Variants in RIMBP2 observed in about 807,000 individuals in gnomAD.
RIMBP2 encodes RIMS binding protein 2, also known as RIMS-binding protein 2.
A neutral mutation model predicts 118.6 loss-of-function variants in RIMBP2; 48 were observed. That is an observed-to-expected ratio of 0.40 (90% CI 0.32 to 0.51). RIMBP2 has a LOEUF of 0.51. Ranked by LOEUF, RIMBP2 falls within the 20% of genes least tolerant of loss-of-function variation. The pLI is 0.41. For missense variants in RIMBP2, 1,551 were observed against 1,768.3 expected, an observed-to-expected ratio of 0.88 and a Z score of 2.20; for synonymous variants, 762 against 742.9, an observed-to-expected ratio of 1.03 and a Z score of -0.42.
intron 17 of RIMBP2, among the ~76,000 whole-genome samples, chr12:130,421,394 A>C (rs1455838805): frequency 6.6e-6 from 1 of 152,218 alleles, no homozygotes. Flanking sequence ...ACATAAACAC[A>C]ATCTAAAAGC....
chr12:130,664,841 A>G (rs1428926641), intron 1 of RIMBP2, among the ~76,000 whole-genome samples: 1 of 151,860 alleles, frequency 6.6e-6, no homozygotes, highest in Non-Finnish European at 1.5e-5. Flanking sequence ...GTCCATACTG[A>G]TATAAATGAA....
Position 130,578,303 on chromosome 12 carries a change from C to T in RIMBP2, c.-217+50019G>A, listed in dbSNP as rs568934041. On this transcript the variant is annotated intron_variant, in intron 2 of 22. Coordinates refer to ENST00000690449, the MANE Select transcript of RIMBP2 (RefSeq NM_001393629.1). The surrounding 1 kb of genome is among the most constrained non-coding windows in gnomAD (Gnocchi z 4.1). ...CTGGTCTACCCAATGCCTTCTGCCC[C>T]GTTTCCAGAATCATCTTTCTCAAGC... is the stretch of plus-strand genomic sequence containing the variant. Among the ~76,000 whole-genome samples the T allele has an allele frequency of 4.6e-5, 7 of 152,340 alleles. No homozygotes were observed. Among genetic ancestry groups the T allele is most frequent in the East Asian group, 3.9e-4 (2 of 5,182 alleles).
intron 1 of RIMBP2, among the ~76,000 whole-genome samples, chr12:130,632,539 G>C (rs1167530548): frequency 6.6e-6 from 1 of 152,078 alleles, no homozygotes; most frequent in Admixed American, 6.5e-5. Context: ...TGGGCTGCCG[G>C]GATGTGCTTT....
chr12:130,528,443 C>A (rs2053038281), intron 2 of RIMBP2, among the ~76,000 whole-genome samples: 1 of 151,936 alleles, frequency 6.6e-6, no homozygotes, highest in South Asian at 2.1e-4. Context: ...CACACTGGGG[C>A]CTGTTGGAGG....
rs976770637 is a variant in RIMBP2, at chr12:130,424,157, G to A, written c.3114C>T (p.Val1038=). ...AAPHAKPPPR[V]AQGPLILGNP... is the part of the protein sequence containing the mutation. ...GGTCACACACCAGGGGGCCTTGTGCGACTCTGGGAGGTGGCTTTGCGTGGG... is the reference window on the plus strand; with the variant it reads ...GGTCACACACCAGGGGGCCTTGTGCAACTCTGGGAGGTGGCTTTGCGTGGG... Residue 1038 remains valine (V), a synonymous_variant, in exon 16 of 23, where the codon GTC becomes GTT. Coordinates refer to ENST00000690449, the MANE Select transcript of RIMBP2 (RefSeq NM_001393629.1). The surrounding 1 kb of genome is among the most constrained non-coding windows in gnomAD (Gnocchi z 9.8). The A allele has an allele frequency of 5.0e-5, 61 of 1,231,930 alleles. No homozygotes were observed. In the South Asian group the frequency reaches 8.2e-4, roughly 17 times the overall value. 76.3% of individuals were successfully genotyped at this position (1,231,930 alleles called of 1,614,324 possible).
chr12:130,413,226 A>G (rs66469669), intron 18 of RIMBP2, among the ~76,000 whole-genome samples: 10,061 of 152,238 alleles, frequency 0.066, 944 homozygotes, highest in African/African-American at 0.21. Flanking sequence ...TCAAATGCCA[A>G]CTGTCAGGAC....
At position 130,710,787 on chromosome 12, in the gene RIMBP2, C is replaced by T. The variant is rs1349546024; in HGVS notation, c.-352+5435G>A. On this transcript the variant is annotated intron_variant, in intron 1 of 22. Transcript: ENST00000690449. The surrounding 1 kb of genome is among the most constrained non-coding windows in gnomAD (Gnocchi z 4.3). Reference sequence around the variant, plus strand: ...CTAATGACAGACCACAAAACACCAACAAATGAGAATATCCCAAATGGACGT... The same window carrying T: ...CTAATGACAGACCACAAAACACCAATAAATGAGAATATCCCAAATGGACGT... Among the ~76,000 whole-genome samples the T allele has an allele frequency of 6.6e-6, 1 of 152,196 alleles. No homozygotes were observed. The highest frequency in any genetic ancestry group is 1.5e-5 in the Non-Finnish European group (1 of 68,042).
In RIMBP2 at chr12:130,447,169, C is replaced by T. The variant is rs1479164436; in HGVS notation, c.582-1900G>A. ...CCTGACGCTCAGGAAGAGAAGCTTC[C>T]CCAGGGAGCAGGTAGGGAAGACACA... On this transcript the variant is annotated intron_variant, in intron 9 of 22. Coordinates refer to ENST00000690449, the MANE Select transcript of RIMBP2 (RefSeq NM_001393629.1). This position sits in a 1 kb window ranked among gnomAD's most constrained non-coding sequence, Gnocchi z 4.4. Among the ~76,000 whole-genome samples, 1 of 151,618 alleles carries T rather than the reference C, an allele frequency of 6.6e-6. No homozygotes were observed. Among genetic ancestry groups the T allele is most frequent in the Non-Finnish European group, 1.5e-5 (1 of 67,888 alleles).
intron 2 of RIMBP2, among the ~76,000 whole-genome samples, chr12:130,545,965 A>T (rs1217712625): frequency 6.6e-6 from 1 of 152,194 alleles, no homozygotes; most frequent in Non-Finnish European, 1.5e-5. Flanking sequence ...TAGGGAAAAA[A>T]TCTTAACACA....
Position 130,438,413 on chromosome 12 carries a change from G to A in RIMBP2, c.1608C>T (p.Ser536=). ...CGTAGCCGGTAACGTTTGCGCCATTGGACAGCCCGGTGGGCGTCAGCACAG... is the reference window on the plus strand; with the variant it reads ...CGTAGCCGGTAACGTTTGCGCCATTAGACAGCCCGGTGGGCGTCAGCACAG... The part of the protein sequence containing the change: ...RPPVLTPTGL[S]NGANVTGYGV... Residue 536 remains serine, a synonymous_variant, in exon 12 of 23, where the codon TCC becomes TCT. Transcript: ENST00000690449. 6 of 1,505,408 alleles carry A rather than the reference G, an allele frequency of 4.0e-6. No individual in the cohort carries two copies. Among genetic ancestry groups the A allele is most frequent in the Non-Finnish European group, 5.4e-6 (6 of 1,113,252 alleles). The allele number at this position is 1,505,408 out of a possible 1,614,324, so 93.3% of individuals were successfully genotyped here. A position where few individuals can be genotyped will look rare whatever the true frequency, so the allele number is the denominator to read the frequency against.
intron 2 of RIMBP2, among the ~76,000 whole-genome samples, chr12:130,591,538 G>A (rs978823331): frequency 2.0e-5 from 3 of 152,116 alleles, no homozygotes; most frequent in East Asian, 1.9e-4. Context: ...GTCTGGAATC[G>A]AGGTGTCATC....
chr12:130,584,552 TCAC>T (rs2058739139), intron 2 of RIMBP2, among the ~76,000 whole-genome samples: 1 of 148,672 alleles, frequency 6.7e-6, no homozygotes, highest in African/African-American at 2.5e-5. Flanking sequence ...CACCATCACA[TCAC>T]CACCATCACC....
At chr12:130,421,385 CAT>C (rs2136669187) in intron 17 of RIMBP2, among the ~76,000 whole-genome samples, 1 of 152,236 alleles carries the variant, frequency 6.6e-6, no homozygotes, top group East Asian at 1.9e-4. Flanking sequence ...ACCAGAGAAA[CAT>C]AAACACAATC....
intron 2 of RIMBP2, among the ~76,000 whole-genome samples, chr12:130,550,983 G>A (rs138836402): frequency 1.3e-5 from 2 of 152,208 alleles, no homozygotes; most frequent in Non-Finnish European, 2.9e-5. Flanking sequence ...CTAAAATGTG[G>A]TGACATGATG....
At chr12:130,465,030 C>A (rs1442398811) in intron 6 of RIMBP2, 5 of 152,272 alleles carry the variant, frequency 3.3e-5, no homozygotes, top group Non-Finnish European at 7.3e-5. Flanking sequence ...CATCTTTATT[C>A]CACAATAGAC....
At chr12:130,481,836 T>G (rs1294709824) in intron 4 of RIMBP2, among the ~76,000 whole-genome samples, 3 of 151,936 alleles carry the variant, frequency 2.0e-5, no homozygotes, top group African/African-American at 7.3e-5. Flanking sequence ...CCTGACACAC[T>G]GCTCCCCCCG....
At chr12:130,408,627 A>G (rs2075403756) in intron 19 of RIMBP2, among the ~76,000 whole-genome samples, 1 of 152,180 alleles carries the variant, frequency 6.6e-6, no homozygotes, top group Non-Finnish European at 1.5e-5. Flanking sequence ...GGACGTAAGG[A>G]GGCCTCAGTG....
intron 2 of RIMBP2, among the ~76,000 whole-genome samples, chr12:130,555,273 G>A (rs370833991): frequency 9.2e-5 from 14 of 152,136 alleles, no homozygotes; most frequent in African/African-American, 3.1e-4. Flanking sequence ...GAAAGCCCTC[G>A]CAGGAAAAAA....
At chr12:130,535,299 G>A (rs973203075) in intron 2 of RIMBP2, among the ~76,000 whole-genome samples, 10 of 152,038 alleles carry the variant, frequency 6.6e-5, no homozygotes, top group Admixed American at 1.3e-4. Flanking sequence ...AGGAGTTTGA[G>A]GCCAGGCTGG....
Sources: gnomAD v4.1 joint callset for allele counts (sites outside exome capture counted in the v4.1 genomes callset) on GRCh38, gnomAD v4.1.1 for gene constraint, Gnocchi (gnomAD v3.1) non-coding constraint, MANE v1.5 for transcripts, NCBI Gene and HGNC (gene_info 2026-07-23, HGNC 2026-07-21) for gene names.